The following SPATA6 variants were observed in gnomAD, a reference collection of about 807,000 sequenced individuals.
The protein encoded by SPATA6 is spermatogenesis-associated protein 6.
A neutral mutation model predicts 65.3 loss-of-function variants in SPATA6; 56 were observed. The observed-to-expected ratio is 0.86, with a 90% confidence interval of 0.69 to 1.07. The LOEUF is 1.07. Among genes scored for constraint, SPATA6 ranks in the 50% least tolerant of loss-of-function variants. The pLI is 0.00. For missense variants in SPATA6, 590 were observed against 594.8 expected (o/e 0.99, Z 0.08); for synonymous variants, 199 against 213.2 (o/e 0.93, Z 0.58).
Position 48,298,114 on chromosome 1 carries a change from T to C in SPATA6, c.*599A>G, listed in dbSNP as rs187989793. ...TAACTGCTATGCATTTTAAGCAACTTACACAGTTCTTCCAGAGAAAAAGGA... is the reference window on the plus strand; with the variant it reads ...TAACTGCTATGCATTTTAAGCAACTCACACAGTTCTTCCAGAGAAAAAGGA... On this transcript the variant is annotated 3_prime_UTR_variant, in exon 13 of 13. Transcript: ENST00000371847. The C allele has an allele frequency of 6.6e-6, 1 of 152,304 alleles. No homozygotes were observed. 9.4% of individuals were successfully genotyped at this position (152,304 alleles called of 1,614,324 possible). A position where few individuals can be genotyped will look rare whatever the true frequency, so the allele number is the denominator to read the frequency against.
chr1:48,333,386 C>A (rs1396875598), intron 11 of SPATA6, among the ~76,000 whole-genome samples: 2 of 152,130 alleles, frequency 1.3e-5, no homozygotes, highest in Non-Finnish European at 2.9e-5. Context: ...CTGTTGGCTT[C>A]CCTACTTTTG....
chr1:48,318,697 C>A (rs189158595), intron 11 of SPATA6, among the ~76,000 whole-genome samples: 1 of 152,210 alleles, frequency 6.6e-6, no homozygotes, highest in East Asian at 1.9e-4. Context: ...GCAATATCCT[C>A]CAAAATGATC....
chr1:48,418,058 T>G (rs1652947722), intron 3 of SPATA6, among the ~76,000 whole-genome samples: 1 of 152,160 alleles, frequency 6.6e-6, no homozygotes, highest in South Asian at 2.1e-4. Flanking sequence ...GGTCTGTATT[T>G]TATGCATTTC....
At chr1:48,354,847 A>C (rs114370448) in intron 11 of SPATA6, among the ~76,000 whole-genome samples, 180 of 152,272 alleles carry the variant, frequency 1.2e-3, no homozygotes, top group Non-Finnish European at 2.0e-3. Context: ...GGTAGTTTAC[A>C]TGAGACTGTT....
intron 11 of SPATA6, among the ~76,000 whole-genome samples, chr1:48,323,759 AT>A (rs1464206425): frequency 2.0e-5 from 3 of 152,138 alleles, no homozygotes; most frequent in African/African-American, 7.2e-5. Context: ...CCTAAAAAAA[AT>A]GTACAAATTC....
At chr1:48,388,107 C>T (rs1649671960) in intron 8 of SPATA6, among the ~76,000 whole-genome samples, 1 of 152,190 alleles carries the variant, frequency 6.6e-6, no homozygotes, top group Non-Finnish European at 1.5e-5. Flanking sequence ...CAGCTCAATA[C>T]TGCCACCACT....
chr1:48,405,817 C>T (rs967160980), intron 5 of SPATA6, among the ~76,000 whole-genome samples: 3 of 152,078 alleles, frequency 2.0e-5, no homozygotes, highest in African/African-American at 7.2e-5. Flanking sequence ...ATTTTGTGCA[C>T]AGGTTTAAAA....
chr1:48,303,121 T>C (rs12144602), intron 12 of SPATA6, among the ~76,000 whole-genome samples: 48,192 of 151,832 alleles, frequency 0.32, 9,115 homozygotes, highest in Middle Eastern at 0.45. Context: ...TGATATTCAG[T>C]AAATTTTTAA....
chr1:48,281,082 C>A, the SPATA6 span, among the ~76,000 whole-genome samples: 1 of 152,168 alleles, frequency 6.6e-6, no homozygotes, highest in African/African-American at 2.4e-5. Flanking sequence ...AAGACAAACA[C>A]CACATGATTA....
rs374056072 is a variant in SPATA6, at chr1:48,443,059, AGT to A, written c.238+8491_238+8492del. Reference sequence around the variant, plus strand: ...AAAAAAGACACAATGGTATTCAGTAAGTGATAAGGAAGCAGACTTAGGAAAAT... The same window carrying A: ...AAAAAAGACACAATGGTATTCAGTAAGATAAGGAAGCAGACTTAGGAAAAT... On this transcript the variant is annotated intron_variant, in intron 3 of 12. Coordinates refer to ENST00000371847, the MANE Select transcript of SPATA6 (RefSeq NM_019073.4). 8.7e-4 allele frequency among the ~76,000 whole-genome samples: 133 copies of A among 152,338 alleles called. 3 individuals are homozygous for A. The East Asian group carries it at 0.017, about 19-fold the overall frequency.
chr1:48,290,331 A>C, the SPATA6 span, among the ~76,000 whole-genome samples: 1 of 152,218 alleles, frequency 6.6e-6, no homozygotes, highest in Non-Finnish European at 1.5e-5. Context: ...GCCTGCCCTA[A>C]AAGAGCTCCT....
chr1:48,438,285 C>T (rs1362845866), intron 3 of SPATA6, among the ~76,000 whole-genome samples: 1 of 152,166 alleles, frequency 6.6e-6, no homozygotes, highest in African/African-American at 2.4e-5. Flanking sequence ...AAGGGACCAT[C>T]GCCAAGCAGT....
In SPATA6 at chr1:48,298,785, G is replaced by A. The variant is rs1569965734; in HGVS notation, c.1395C>T (p.Ser465=). 4 of 1,614,034 alleles carry A rather than the reference G, an allele frequency of 2.5e-6. No homozygotes were observed. Among genetic ancestry groups the A allele is most frequent in the Non-Finnish European group, 3.4e-6 (4 of 1,179,958 alleles). The change falls in exon 13 of 13, where the codon AGC becomes AGT. Residue 465 remains serine (S), a synonymous_variant. Coordinates refer to ENST00000371847, the MANE Select transcript of SPATA6 (RefSeq NM_019073.4). ...ATAAGTTCCTGTACATCTTGTCCAT[G>A]CTGTTCTCAAAGATGGGTCGGTGGG... ...GKSHRPIFEN[S]MDKMYRNLYK...
At chr1:48,361,057 T>A (rs1483867972) in intron 9 of SPATA6, among the ~76,000 whole-genome samples, 1 of 152,134 alleles carries the variant, frequency 6.6e-6, no homozygotes, top group Non-Finnish European at 1.5e-5. Flanking sequence ...ATTCAATATA[T>A]TACAGCAGAG....
chr1:48,353,580 A>G (rs752284937), intron 11 of SPATA6, among the ~76,000 whole-genome samples: 2 of 151,996 alleles, frequency 1.3e-5, no homozygotes, highest in Non-Finnish European at 2.9e-5. Flanking sequence ...ATATACTGTG[A>G]AACAAGGAAT....
At chr1:48,345,032 T>G (rs1191136065) in intron 11 of SPATA6, among the ~76,000 whole-genome samples, 1 of 152,092 alleles carries the variant, frequency 6.6e-6, no homozygotes, top group Admixed American at 6.6e-5. Context: ...CTGACAGATA[T>G]CTACAGAACT....
the SPATA6 span, among the ~76,000 whole-genome samples, chr1:48,267,479 G>C: frequency 2.6e-5 from 4 of 152,120 alleles, no homozygotes; most frequent in Non-Finnish European, 4.4e-5. Context: ...GAAGGATGGA[G>C]GTAGATCTCA....
chr1:48,453,883 A>G (rs1656796022), intron 1 of SPATA6, among the ~76,000 whole-genome samples: 2 of 152,088 alleles, frequency 1.3e-5, no homozygotes, highest in Admixed American at 1.3e-4. Context: ...AAAAAGTGAG[A>G]AAGAAGGAAA....
Position 48,399,247 on chromosome 1 carries a change from G to T in SPATA6, c.780+104C>A, listed in dbSNP as rs1025082536. ...CTAGGGTAGCAGTCAGAAGAGAAAA[G>T]TATTATTAATATAAGCTAGAAGTTG... is the stretch of plus-strand genomic sequence containing the variant. On this transcript the variant is annotated intron_variant, in intron 7 of 12. Coordinates refer to ENST00000371847, the MANE Select transcript of SPATA6 (RefSeq NM_019073.4). The T allele has an allele frequency of 5.4e-6, 7 of 1,299,776 alleles. No homozygotes were observed. In the African/African-American group the frequency reaches 9.0e-5, roughly 17 times the overall value. The allele number at this position is 1,299,776 out of a possible 1,614,324, so 80.5% of individuals were successfully genotyped here.
Sources: allele counts gnomAD v4.1 joint callset (sites outside exome capture counted in the v4.1 genomes callset), GRCh38; gene constraint gnomAD v4.1.1; transcripts MANE v1.5; gene names NCBI Gene and HGNC (gene_info 2026-07-23, HGNC 2026-07-21).